Variants in HECW2 observed in about 807,000 individuals in gnomAD.
The protein encoded by HECW2 is E3 ubiquitin-protein ligase HECW2.
In HECW2, 61 loss-of-function variants were observed where a neutral mutation model predicts 175.2. The ratio of observed to expected loss-of-function variants is 0.35; its 90% CI spans 0.28 to 0.43. HECW2 has a LOEUF of 0.43. Ranked by LOEUF, HECW2 falls within the 20% of genes least tolerant of loss-of-function variation. The pLI is 1.00. For missense variants in HECW2, 1,524 were observed against 2,000.5 expected (o/e 0.76, Z 4.54); for synonymous variants, 671 against 731.0 (o/e 0.92, Z 1.32).
intron 1 of HECW2, among the ~76,000 whole-genome samples, chr2:196,472,373 AGCTACTCGAGAG>A (rs972698156): frequency 6.6e-6 from 1 of 151,218 alleles, no homozygotes; most frequent in African/African-American, 2.4e-5. Flanking sequence ...CTGTAATCCC[AGCTACTCGAGAG>A]GCTGAGGTGG....
At chr2:196,320,640 A>G (rs1559039490) in intron 7 of HECW2, among the ~76,000 whole-genome samples, 1 of 152,258 alleles carries the variant, frequency 6.6e-6, no homozygotes, top group Non-Finnish European at 1.5e-5. Context: ...CCGGAGATAA[A>G]AGGAAATGTT....
chr2:196,385,060 G>A (rs989335688), intron 2 of HECW2, among the ~76,000 whole-genome samples: 1 of 152,024 alleles, frequency 6.6e-6, no homozygotes, highest in African/African-American at 2.4e-5. Flanking sequence ...GAGACTGTAG[G>A]CACCAGTTAC....
chr2:196,513,851 T>C (rs1391188164), intron 1 of HECW2, among the ~76,000 whole-genome samples: 2 of 152,120 alleles, frequency 1.3e-5, no homozygotes, highest in South Asian at 2.1e-4. Context: ...AGTACAGAAA[T>C]AGAGGGTAAG....
intron 2 of HECW2, among the ~76,000 whole-genome samples, chr2:196,392,801 C>T (rs1225959968): frequency 1.3e-5 from 2 of 152,136 alleles, no homozygotes; most frequent in East Asian, 3.8e-4. Flanking sequence ...TTGGAAAAAA[C>T]TACTTTAAAG....
At chr2:196,275,364 C>T (rs76525345) in intron 15 of HECW2, among the ~76,000 whole-genome samples, 1,620 of 152,028 alleles carry the variant, frequency 0.011, 31 homozygotes, top group African/African-American at 0.037. Context: ...TTTTTCTTTC[C>T]CAACTATTAA....
At chr2:196,365,248 A>G (rs1693713073) in intron 2 of HECW2, among the ~76,000 whole-genome samples, 1 of 152,240 alleles carries the variant, frequency 6.6e-6, no homozygotes, top group Non-Finnish European at 1.5e-5. Context: ...CTTAGATTAC[A>G]ACACAAATTG....
chr2:196,419,936 A>G (rs1306401230), intron 2 of HECW2, among the ~76,000 whole-genome samples: 4 of 152,182 alleles, frequency 2.6e-5, no homozygotes, highest in Non-Finnish European at 4.4e-5. Flanking sequence ...ATCCAGTTCC[A>G]GCTTGTTTGT....
intron 13 of HECW2, among the ~76,000 whole-genome samples, chr2:196,305,972 T>C (rs550160161): frequency 6.6e-6 from 1 of 152,294 alleles, no homozygotes; most frequent in East Asian, 1.9e-4. Flanking sequence ...AATCCTCCTG[T>C]TATGGGTCCG....
chr2:196,507,666 T>G (rs2125411531), intron 1 of HECW2, among the ~76,000 whole-genome samples: 1 of 152,330 alleles, frequency 6.6e-6, no homozygotes, highest in Admixed American at 6.5e-5. Context: ...TTATACCCAC[T>G]GCAACCCTAT....
chr2:196,529,383 T>C lies in HECW2; in HGVS notation c.-36+64125A>G, dbSNP rs192218020. Among the ~76,000 whole-genome samples, 52 of 148,880 alleles carry C rather than the reference T, an allele frequency of 3.5e-4. No individual in the cohort carries two copies. In the East Asian group the frequency reaches 8.1e-3, roughly 23 times the overall value. On this transcript the variant is annotated intron_variant, in intron 1 of 28. Transcript: ENST00000644978. The stretch of plus-strand genomic sequence containing the variant: ...AATACATTTAAAAGGTATTTTATTA[T>C]TACTAAAAAAGAGTTGAGGTGGATT...
At chr2:196,375,995 C>T (rs540473403) in intron 2 of HECW2, among the ~76,000 whole-genome samples, 1 of 152,342 alleles carries the variant, frequency 6.6e-6, no homozygotes. Context: ...AGGTCCAATT[C>T]CCTCTATCAG....
chr2:196,479,440 T>C (rs1448046397), intron 1 of HECW2, among the ~76,000 whole-genome samples: 2 of 152,212 alleles, frequency 1.3e-5, no homozygotes, highest in East Asian at 3.8e-4. Flanking sequence ...CAGTTCTTCC[T>C]TGTGCAGGGA....
chr2:196,257,976 C>T (rs1264699453), intron 17 of HECW2, 70 bp from the exon 18 acceptor site: 4 of 1,093,898 alleles, frequency 3.7e-6, no homozygotes, highest in African/African-American at 1.6e-5. Context: ...TAGTAAAGAG[C>T]ATTTTTTATA....
chr2:196,314,194 A>G (rs1028726787), intron 10 of HECW2, among the ~76,000 whole-genome samples: 1 of 152,200 alleles, frequency 6.6e-6, no homozygotes, highest in Non-Finnish European at 1.5e-5. Context: ...CCACTTCCCT[A>G]ATAGGTGAGG....
intron 2 of HECW2, among the ~76,000 whole-genome samples, chr2:196,420,001 A>C (rs1247213171): frequency 6.6e-6 from 1 of 152,244 alleles, no homozygotes; most frequent in Non-Finnish European, 1.5e-5. Flanking sequence ...AGTAGCTAAG[A>C]AAATGTGATC....
chr2:196,327,608 T>C (rs1692201744), intron 5 of HECW2, among the ~76,000 whole-genome samples: 1 of 152,254 alleles, frequency 6.6e-6, no homozygotes, highest in Non-Finnish European at 1.5e-5. Flanking sequence ...GCAGCCATTC[T>C]AAAGTGCTTA....
chr2:196,537,914 C>A (rs538763710), intron 1 of HECW2, among the ~76,000 whole-genome samples: 1 of 152,290 alleles, frequency 6.6e-6, no homozygotes, highest in South Asian at 2.1e-4. Flanking sequence ...AGCTAGGGAA[C>A]CTCCTACTCT....
In HECW2 at chr2:196,319,766, T is replaced by C; in HGVS notation, c.1124A>G (p.Asp375Gly). The change falls in exon 9 of 29, where the codon GAC becomes GGC. Residue 375 changes from aspartate (D) to glycine (G), a missense_variant. Coordinates refer to ENST00000644978, the MANE Select transcript of HECW2 (RefSeq NM_001348768.2). Reference protein sequence around the residue: ...QVCSNGPVSEDSAADGTPKHS... With the variant: ...QVCSNGPVSEGSAADGTPKHS... ...CTTGGGGGTTCCATCGGCAGCACTGTCCTCAGAAACTGGCCCATTAGAGCA... is the reference window on the plus strand; with the variant it reads ...CTTGGGGGTTCCATCGGCAGCACTGCCCTCAGAAACTGGCCCATTAGAGCA... 1 of 1,614,184 alleles carries C rather than the reference T, an allele frequency of 6.2e-7. No homozygotes were observed. Among genetic ancestry groups the C allele is most frequent in the South Asian group, 1.1e-5 (1 of 91,082 alleles).
rs58473650 is a variant in HECW2 at position 196,315,149 on chromosome 2, AGTGTGTGTGTGTGTGT to A, written c.2434+2109_2434+2124del. ...CTTGGTCCTACAGCACGAGTGTATG[AGTGTGTGTGTGTGTGT>A]GTGTGTGTGTGTGTGTGTGTGTGTG... is the stretch of plus-strand genomic sequence containing the variant. On this transcript the variant is annotated intron_variant, in intron 10 of 28. Transcript: ENST00000644978. Among the ~76,000 whole-genome samples the A allele has an allele frequency of 6.2e-3, 897 of 144,818 alleles. 7 individuals carry two copies. The highest frequency in any genetic ancestry group is 0.021 in the Middle Eastern group (6 of 288).
Sources: allele counts gnomAD v4.1 joint callset (sites outside exome capture counted in the v4.1 genomes callset), GRCh38; gene constraint gnomAD v4.1.1; transcripts MANE v1.5; gene names NCBI Gene and HGNC (gene_info 2026-07-23, HGNC 2026-07-21).